The following MBD5 variants were observed in gnomAD, a reference collection of about 807,000 sequenced individuals.
MBD5 encodes the protein methyl-CpG-binding domain protein 5.
MBD5 carries 13 observed loss-of-function variants against 117.3 expected under a neutral mutation model. The observed-to-expected ratio is 0.11, with a 90% CI of 0.07 to 0.18. The LOEUF (loss-of-function observed/expected upper bound fraction) is 0.18, where lower values mean the gene tolerates loss of function less well. Ranked by LOEUF, MBD5 falls within the 10% of genes least tolerant of loss-of-function variation. MBD5 has a pLI of 1.00. For missense variants in MBD5, 1,879 were observed against 2,093.8 expected (o/e 0.90, Z 2.00); for synonymous variants, 727 against 766.4 (o/e 0.95, Z 0.85).
At chr2:148,327,197 G>A (rs867888854) in intron 3 of MBD5, among the ~76,000 whole-genome samples, 9 of 152,058 alleles carry the variant, frequency 5.9e-5, no homozygotes, top group South Asian at 2.1e-4. Context: ...AGTTTCTGCC[G>A]AGAGATCTGC....
intron 3 of MBD5, chr2:148,296,381 G>A (rs1701649075): frequency 6.4e-6 from 1 of 157,078 alleles, no homozygotes; most frequent in Admixed American, 6.5e-5. Flanking sequence ...TTCCTTCTGT[G>A]TGGCTACACA....
chr2:148,449,442 C>T (rs994535474), intron 4 of MBD5, among the ~76,000 whole-genome samples: 15 of 151,812 alleles, frequency 9.9e-5, no homozygotes, highest in African/African-American at 3.4e-4. Flanking sequence ...GGGAGAATTA[C>T]AAGGGGAACC....
intron 2 of MBD5, among the ~76,000 whole-genome samples, chr2:148,181,492 C>G (rs1458232283): frequency 6.6e-6 from 1 of 152,214 alleles, no homozygotes; most frequent in Non-Finnish European, 1.5e-5. Context: ...ATAACCTTCT[C>G]ATCATCCATG....
intron 4 of MBD5, among the ~76,000 whole-genome samples, chr2:148,364,693 T>A (rs1703644670): frequency 6.6e-6 from 1 of 152,116 alleles, no homozygotes; most frequent in African/African-American, 2.4e-5. Flanking sequence ...GTTGCAATCC[T>A]AGTCTCTGGT....
chr2:148,499,883 A>C (rs1681819697), intron 11 of MBD5, among the ~76,000 whole-genome samples: 1 of 152,202 alleles, frequency 6.6e-6, no homozygotes, highest in Non-Finnish European at 1.5e-5. Context: ...CACACTCTTC[A>C]TATATATTTC....
intron 4 of MBD5, chr2:148,347,195 G>A (rs780682773): frequency 3.9e-5 from 6 of 151,912 alleles, no homozygotes; most frequent in Non-Finnish European, 8.8e-5. Flanking sequence ...TTAAGCCTGG[G>A]CAACATAGAC....
At chr2:148,310,057 T>C (rs1232732372) in intron 3 of MBD5, among the ~76,000 whole-genome samples, 1 of 152,198 alleles carries the variant, frequency 6.6e-6, no homozygotes, top group African/African-American at 2.4e-5. Flanking sequence ...CAGTATTTTA[T>C]TGAGGATTTT....
intron 1 of MBD5, among the ~76,000 whole-genome samples, chr2:148,046,594 A>G (rs1211399883): frequency 6.6e-6 from 1 of 152,118 alleles, no homozygotes; most frequent in Non-Finnish European, 1.5e-5. Context: ...CTTTACCTCC[A>G]TAGTCAGCCT....
intron 2 of MBD5, among the ~76,000 whole-genome samples, chr2:148,204,529 G>A (rs1157156735): frequency 1.3e-5 from 2 of 152,166 alleles, no homozygotes; most frequent in Non-Finnish European, 2.9e-5. Context: ...TGTCAATACT[G>A]AGACATGTCC....
intron 1 of MBD5, among the ~76,000 whole-genome samples, chr2:148,068,878 G>A (rs769162420): frequency 1.3e-5 from 2 of 151,976 alleles, no homozygotes; most frequent in Non-Finnish European, 2.9e-5. Context: ...GACCTTTAAG[G>A]TCATTTATAA....
intron 1 of MBD5, among the ~76,000 whole-genome samples, chr2:148,033,975 G>A (rs986249866): frequency 6.6e-6 from 1 of 152,060 alleles, no homozygotes; most frequent in Non-Finnish European, 1.5e-5. Context: ...AACAGTGTTC[G>A]GAAAGCTTAT....
chr2:148,249,361 A>G (rs982497645), intron 3 of MBD5, among the ~76,000 whole-genome samples: 3 of 152,148 alleles, frequency 2.0e-5, no homozygotes, highest in Non-Finnish European at 4.4e-5. Context: ...GCCTACCCAT[A>G]AAAGGGGCAA....
At chr2:148,106,591 G>A (rs137920538) in intron 1 of MBD5, among the ~76,000 whole-genome samples, 521 of 150,312 alleles carry the variant, frequency 3.5e-3, no homozygotes, top group Middle Eastern at 0.014. Flanking sequence ...CCACCACTTT[G>A]TGTTTTTATT....
At chr2:148,061,540 A>G (rs1695036027) in intron 1 of MBD5, among the ~76,000 whole-genome samples, 2 of 152,112 alleles carry the variant, frequency 1.3e-5, no homozygotes, top group Non-Finnish European at 2.9e-5. Flanking sequence ...GTCAAATGTA[A>G]TATTCCTTTA....
chr2:148,377,307 A>C (rs926369380), intron 4 of MBD5, among the ~76,000 whole-genome samples: 2 of 152,150 alleles, frequency 1.3e-5, no homozygotes, highest in African/African-American at 2.4e-5. Context: ...CTGGCAGCTG[A>C]TTAGATGGTG....
At chr2:148,396,259 CCCT>C (rs1442884477) in intron 4 of MBD5, among the ~76,000 whole-genome samples, 15 of 152,134 alleles carry the variant, frequency 9.9e-5, no homozygotes, top group Admixed American at 9.8e-4. Context: ...CCTTACTTGC[CCCT>C]CCTCCTTCAG....
intron 1 of MBD5, among the ~76,000 whole-genome samples, chr2:148,085,267 G>A (rs982833839): frequency 6.6e-6 from 1 of 152,162 alleles, no homozygotes; most frequent in Non-Finnish European, 1.5e-5. Flanking sequence ...GTGGTTGATT[G>A]TTGCTAATTT....
At chr2:148,151,385 A>C (rs1697660029) in intron 1 of MBD5, among the ~76,000 whole-genome samples, 3 of 152,120 alleles carry the variant, frequency 2.0e-5, no homozygotes, top group African/African-American at 7.2e-5. Context: ...TTCATCAAGG[A>C]TATTGGTCTA....
chr2:148,183,931 TA>T (rs1558962449), intron 2 of MBD5, among the ~76,000 whole-genome samples: 1 of 152,004 alleles, frequency 6.6e-6, no homozygotes, highest in Non-Finnish European at 1.5e-5. Context: ...AATCACATTG[TA>T]AAAAAATTTT....
Sources: allele counts gnomAD v4.1 joint callset (sites outside exome capture counted in the v4.1 genomes callset), GRCh38; gene constraint gnomAD v4.1.1; transcripts MANE v1.5; gene names NCBI Gene and HGNC (gene_info 2026-07-23, HGNC 2026-07-21).